NTRK3: variants seen among roughly 807,000 people sequenced by gnomAD.
NTRK3 encodes NT-3 growth factor receptor.
A neutral mutation model predicts 91.7 loss-of-function variants in NTRK3; 24 were observed. The observed-to-expected ratio is 0.26, with a 90% CI of 0.19 to 0.37. The LOEUF (loss-of-function observed/expected upper bound fraction) is 0.37, where lower values mean the gene tolerates loss of function less well. Ranked by LOEUF, NTRK3 falls within the 10% of genes least tolerant of loss-of-function variation. The pLI is 1.00. For synonymous variants in NTRK3, 483 were observed against 404.0 expected (o/e 1.20, Z -2.34); for missense variants, 880 against 1,068.9 (o/e 0.82, Z 2.46).
chr15:88,082,160 C>A (rs970727260), intron 13 of NTRK3, among the ~76,000 whole-genome samples: 1 of 151,928 alleles, frequency 6.6e-6, no homozygotes, highest in African/African-American at 2.4e-5. Context: ...CACCTGTAGT[C>A]CCAGCTACTT....
chr15:88,137,700 G>T, intron 6 of NTRK3, 139 bp from the exon 7 acceptor site: 1 of 845,914 alleles, frequency 1.2e-6, no homozygotes, highest in Non-Finnish European at 1.8e-6. Flanking sequence ...CAAAAGAAGT[G>T]GAAAAATCCT....
rs202203094 is a variant in NTRK3, at chr15:87,966,079, C to A, written c.1586-25326G>T. Among the ~76,000 whole-genome samples, 98 of 89,370 alleles carry A rather than the reference C, an allele frequency of 1.1e-3. 1 individual carries two copies. Among genetic ancestry groups the A allele is most frequent in the East Asian group, 7.4e-3 (33 of 4,482 alleles). 58.6% of individuals were successfully genotyped at this position (89,370 alleles called of 152,430 possible). On this transcript the variant is annotated intron_variant, in intron 14 of 18. Transcript: ENST00000394480. Reference sequence around the variant, plus strand: ...GATGATAGAGCAAAACTGTCTCAAACAAACAAACAAACAAACAAACAAACA... The same window carrying A: ...GATGATAGAGCAAAACTGTCTCAAAAAAACAAACAAACAAACAAACAAACA...
chr15:87,975,803 C>A (rs1478092090), intron 14 of NTRK3, among the ~76,000 whole-genome samples: 1 of 152,200 alleles, frequency 6.6e-6, no homozygotes, highest in Admixed American at 6.5e-5. Context: ...TCCAACTCTC[C>A]TTGGGTCTTC....
intron 14 of NTRK3, among the ~76,000 whole-genome samples, chr15:87,975,911 A>G (rs903032220): frequency 1.3e-5 from 2 of 152,178 alleles, no homozygotes; most frequent in Non-Finnish European, 2.9e-5. Flanking sequence ...CCTTGAAAAG[A>G]CATTCCACAT....
chr15:88,249,402 G>C (rs1181393275), intron 3 of NTRK3, among the ~76,000 whole-genome samples: 1 of 152,176 alleles, frequency 6.6e-6, no homozygotes, highest in African/African-American at 2.4e-5. Flanking sequence ...CACAGTCATG[G>C]GGGAGGCTCT....
chr15:87,973,336 G>A (rs1254877604), intron 14 of NTRK3, among the ~76,000 whole-genome samples: 1 of 152,136 alleles, frequency 6.6e-6, no homozygotes, highest in Admixed American at 6.5e-5. Flanking sequence ...TGGAACAAAA[G>A]TCCTACCCAA....
At chr15:88,073,777 A>ACCC (rs145193852) in intron 13 of NTRK3, among the ~76,000 whole-genome samples, 5 of 149,584 alleles carry the variant, frequency 3.3e-5, no homozygotes, top group African/African-American at 9.8e-5. Flanking sequence ...GTGCTGCAAC[A>ACCC]CCCCCCCGCC....
At position 88,233,192 on chromosome 15, in the gene NTRK3, GAAAAAATTA is replaced by G. The variant is rs943875149; in HGVS notation, c.248+22705_248+22713del. Among the ~76,000 whole-genome samples, 1 of 152,044 alleles carries G rather than the reference GAAAAAATTA, an allele frequency of 6.6e-6. No homozygotes were observed. Among genetic ancestry groups the G allele is most frequent in the Non-Finnish European group, 1.5e-5 (1 of 67,984 alleles). ...GAGCTAAAGCCTGAATAAGCAAAAA[GAAAAAATTA>G]AAACCGTAGAGCACATTGCCAATAA... is the stretch of plus-strand genomic sequence containing the variant. On this transcript the variant is annotated intron_variant, in intron 3 of 18. Coordinates refer to ENST00000394480, the Ensembl canonical transcript of NTRK3. This position sits in a 1 kb window ranked among gnomAD's most constrained non-coding sequence, Gnocchi z 4.2.
Position 88,256,491 on chromosome 15 carries a change from G to A in NTRK3, c.-218-5C>T, listed in dbSNP as rs2054068448. Reference sequence around the variant, plus strand: ...GCGCGCTCTCCGACTCCGAGACTTTGCAGGGTTGCAACAGACGGTGGGGAG... The same window carrying A: ...GCGCGCTCTCCGACTCCGAGACTTTACAGGGTTGCAACAGACGGTGGGGAG... On this transcript the variant is annotated splice_polypyrimidine_tract_variant and splice_region_variant and intron_variant, in intron 1 of 18. Transcript: ENST00000394480. The A allele has an allele frequency of 5.8e-6, 3 of 520,836 alleles. No homozygotes were observed. The highest frequency in any genetic ancestry group is 4.1e-5 in the African/African-American group (2 of 48,852). 32.3% of individuals were successfully genotyped at this position (520,836 alleles called of 1,614,324 possible). A position where few individuals can be genotyped will look rare whatever the true frequency, so the allele number is the denominator to read the frequency against.
intron 17 of NTRK3, chr15:87,925,519 C>G (rs974122641): frequency 9.6e-6 from 2 of 209,390 alleles, no homozygotes; most frequent in African/African-American, 4.6e-5. Context: ...AGCCAACAAA[C>G]TCTTAGGCCC....
chr15:87,999,994 G>A (rs2075983664), intron 14 of NTRK3, among the ~76,000 whole-genome samples: 1 of 152,202 alleles, frequency 6.6e-6, no homozygotes, highest in Admixed American at 6.5e-5. Flanking sequence ...TGCTATGATA[G>A]TGATACTTAT....
chr15:88,014,106 C>T (rs2077067871), intron 14 of NTRK3, among the ~76,000 whole-genome samples: 1 of 152,200 alleles, frequency 6.6e-6, no homozygotes, highest in Non-Finnish European at 1.5e-5. Context: ...AGTGTTGGAA[C>T]ACGCTACTTG....
At chr15:87,948,980 A>G (rs1000438763) in intron 14 of NTRK3, among the ~76,000 whole-genome samples, 1 of 152,210 alleles carries the variant, frequency 6.6e-6, no homozygotes, top group African/African-American at 2.4e-5. Flanking sequence ...GCACAAGTCA[A>G]AAGGCCAAAA....
intron 3 of NTRK3, among the ~76,000 whole-genome samples, chr15:88,247,807 G>A (rs2052983862): frequency 6.6e-6 from 1 of 152,196 alleles, no homozygotes; most frequent in South Asian, 2.1e-4. Flanking sequence ...CATCCCTATG[G>A]AGAGAGAGAT....
intron 16 of NTRK3, chr15:87,931,278 C>T (rs769069954): frequency 1.9e-6 from 1 of 512,826 alleles, no homozygotes; most frequent in Non-Finnish European, 3.9e-6. Flanking sequence ...AGGGCATGCC[C>T]TTTGGGCCCC....
chr15:88,211,292 C>G (rs1246722389), intron 3 of NTRK3, among the ~76,000 whole-genome samples: 1 of 152,182 alleles, frequency 6.6e-6, no homozygotes, highest in East Asian at 1.9e-4. Flanking sequence ...GCTTATTTCA[C>G]TTAACACATT....
At chr15:88,209,570 AC>A (rs2049068702) in intron 3 of NTRK3, among the ~76,000 whole-genome samples, 1 of 152,258 alleles carries the variant, frequency 6.6e-6, no homozygotes, top group Admixed American at 6.5e-5. Flanking sequence ...GAGATAAGCA[AC>A]AGCAGAAAGA....
intron 14 of NTRK3, among the ~76,000 whole-genome samples, chr15:88,011,558 G>T (rs547393808): frequency 1.3e-5 from 2 of 152,184 alleles, no homozygotes; most frequent in African/African-American, 4.8e-5. Context: ...CTTGACTTTG[G>T]CAATGAGGTG....
intron 5 of NTRK3, among the ~76,000 whole-genome samples, chr15:88,163,926 G>C (rs1412240810): frequency 6.6e-6 from 1 of 152,130 alleles, no homozygotes; most frequent in African/African-American, 2.4e-5. Flanking sequence ...TTACAGCAGT[G>C]AACAAAAGAG....
Sources: allele counts gnomAD v4.1 joint callset (sites outside exome capture counted in the v4.1 genomes callset), GRCh38; gene constraint gnomAD v4.1.1; non-coding constraint Gnocchi (gnomAD v3.1); transcripts MANE v1.5; gene names NCBI Gene and HGNC (gene_info 2026-07-23, HGNC 2026-07-21).